TRAPPC9: variants seen among roughly 807,000 people sequenced by gnomAD.
TRAPPC9 encodes IKK2 binding protein.
In TRAPPC9, 83 loss-of-function variants were observed where a neutral mutation model predicts 124.0. The observed-to-expected ratio is 0.67, with a 90% confidence interval of 0.56 to 0.80. TRAPPC9 has a LOEUF of 0.80. TRAPPC9 is among the 30% of genes least tolerant of loss of function. The pLI, the probability that TRAPPC9 is intolerant of heterozygous loss-of-function variation, is 0.00. For missense variants in TRAPPC9, 1,302 were observed against 1,508.3 expected (o/e 0.86, Z 2.27); for synonymous variants, 638 against 617.5 (o/e 1.03, Z -0.49).
At chr8:140,298,593 A>C (rs897179924) in intron 11 of TRAPPC9, among the ~76,000 whole-genome samples, 1 of 152,180 alleles carries the variant, frequency 6.6e-6, no homozygotes, top group Non-Finnish European at 1.5e-5. Flanking sequence ...TTGAGGCAGC[A>C]GTGAGTCCTA....
intron 2 of TRAPPC9, among the ~76,000 whole-genome samples, chr8:140,440,431 C>T (rs990113512): frequency 2.0e-5 from 3 of 151,826 alleles, no homozygotes; most frequent in African/African-American, 7.3e-5. Flanking sequence ...CACTTGAACC[C>T]GGGAGGCGGA....
At chr8:139,894,135 T>C (rs1830519506) in intron 20 of TRAPPC9, among the ~76,000 whole-genome samples, 1 of 152,214 alleles carries the variant, frequency 6.6e-6, no homozygotes, top group African/African-American at 2.4e-5. Flanking sequence ...GTGCCCTTTA[T>C]GAGAATTCTT....
intron 7 of TRAPPC9, among the ~76,000 whole-genome samples, chr8:140,381,389 C>G (rs1359073134): frequency 6.6e-6 from 1 of 151,890 alleles, no homozygotes; most frequent in Non-Finnish European, 1.5e-5. Flanking sequence ...CAAAGAGGAC[C>G]AGGCGCAGTG....
At chr8:140,270,883 C>G (rs4736163) in intron 15 of TRAPPC9, among the ~76,000 whole-genome samples, 17,061 of 152,292 alleles carry the variant, frequency 0.11, 1,147 homozygotes, top group Admixed American at 0.17. Context: ...CTGGGCCACA[C>G]AGGGCCGCGG....
intron 21 of TRAPPC9, among the ~76,000 whole-genome samples, chr8:139,859,223 G>A (rs560130769): frequency 2.0e-5 from 3 of 152,014 alleles, no homozygotes; most frequent in East Asian, 1.9e-4. Flanking sequence ...CTGTGTGGCC[G>A]TGTGACCTGA....
intron 2 of TRAPPC9, among the ~76,000 whole-genome samples, chr8:140,444,598 C>T (rs2071170746): frequency 6.6e-6 from 1 of 152,228 alleles, no homozygotes; most frequent in African/African-American, 2.4e-5. Context: ...CAGTGGCTCA[C>T]GCCTGTAACC....
At chr8:140,224,757 G>T (rs753483328) in intron 16 of TRAPPC9, among the ~76,000 whole-genome samples, 1 of 151,504 alleles carries the variant, frequency 6.6e-6, no homozygotes, top group Non-Finnish European at 1.5e-5. Context: ...CCCAATTTTT[G>T]GTCTCAGTTC....
At chr8:140,338,615 G>C (rs1312291548) in intron 9 of TRAPPC9, among the ~76,000 whole-genome samples, 1 of 152,234 alleles carries the variant, frequency 6.6e-6, no homozygotes, top group East Asian at 1.9e-4. Flanking sequence ...TGAACCCTAA[G>C]CTAATATGAC....
chr8:139,832,268 A>AT (rs1195989245), intron 21 of TRAPPC9, among the ~76,000 whole-genome samples: 1 of 152,254 alleles, frequency 6.6e-6, no homozygotes, highest in Non-Finnish European at 1.5e-5. Flanking sequence ...TCCAGTAAAA[A>AT]TAGCTACATT....
At chr8:140,010,828 G>T (rs1344391378) in intron 18 of TRAPPC9, among the ~76,000 whole-genome samples, 1 of 152,074 alleles carries the variant, frequency 6.6e-6, no homozygotes, top group African/African-American at 2.4e-5. Context: ...TTATATACAA[G>T]AATGTCCAAT....
chr8:139,886,053 G>T, intron 20 of TRAPPC9, 84 bp from the exon 21 acceptor site: 1 of 1,305,958 alleles, frequency 7.7e-7, no homozygotes, highest in Non-Finnish European at 1.1e-6. Flanking sequence ...GAGACCCTCA[G>T]ATGGGAAACC....
At chr8:139,784,573 C>CAAATAAAT (rs571905487) in intron 21 of TRAPPC9, among the ~76,000 whole-genome samples, 4 of 112,090 alleles carry the variant, frequency 3.6e-5, no homozygotes, top group African/African-American at 6.8e-5. Flanking sequence ...GACTCCATGT[C>CAAATAAAT]AAATAAATAA....
At chr8:140,054,812 T>TAA (rs570231433) in intron 17 of TRAPPC9, among the ~76,000 whole-genome samples, 1 of 147,616 alleles carries the variant, frequency 6.8e-6, no homozygotes, top group South Asian at 2.2e-4. Flanking sequence ...GGCTACATCG[T>TAA]AAAAAAAAAA....
intron 17 of TRAPPC9, among the ~76,000 whole-genome samples, chr8:140,155,362 G>T (rs2061611114): frequency 6.6e-6 from 1 of 152,186 alleles, no homozygotes; most frequent in Admixed American, 6.5e-5. Context: ...ACGGGAAAAA[G>T]CGTGTGCTCC....
chr8:140,169,662 G>A (rs1272403588), intron 17 of TRAPPC9, among the ~76,000 whole-genome samples: 1 of 152,218 alleles, frequency 6.6e-6, no homozygotes, highest in Non-Finnish European at 1.5e-5. Flanking sequence ...TGAGAGAAGG[G>A]AAGTGAAAGT....
chr8:140,106,293 G>A (rs999274639), intron 17 of TRAPPC9, among the ~76,000 whole-genome samples: 6 of 152,194 alleles, frequency 3.9e-5, no homozygotes, highest in African/African-American at 1.4e-4. Context: ...GTCGTTCACA[G>A]AAAAGCCAGA....
chr8:140,155,067 G>T (rs564249351), intron 17 of TRAPPC9, among the ~76,000 whole-genome samples: 2 of 152,194 alleles, frequency 1.3e-5, no homozygotes, highest in Non-Finnish European at 2.9e-5. Context: ...GCACTCAGCC[G>T]AGGCTCAATA....
intron 2 of TRAPPC9, among the ~76,000 whole-genome samples, chr8:140,440,748 G>C (rs537415358): frequency 6.6e-6 from 1 of 152,114 alleles, no homozygotes; most frequent in African/African-American, 2.4e-5. Context: ...TCCATAGCTA[G>C]CCCCTCCCAC....
chr8:140,371,980 G>C (rs2068295663), intron 7 of TRAPPC9, among the ~76,000 whole-genome samples: 2 of 152,218 alleles, frequency 1.3e-5, no homozygotes, highest in Non-Finnish European at 2.9e-5. Flanking sequence ...TGGGATTACA[G>C]GTGTGAGCCA....
Sources: allele counts gnomAD v4.1 joint callset (sites outside exome capture counted in the v4.1 genomes callset), GRCh38; gene constraint gnomAD v4.1.1; transcripts MANE v1.5; gene names NCBI Gene and HGNC (gene_info 2026-07-23, HGNC 2026-07-21).